The following AFF3 variants were observed in gnomAD, a reference collection of about 807,000 sequenced individuals.
AFF3 encodes the protein AF4/FMR2 family member 3.
A neutral mutation model predicts 129.7 loss-of-function variants in AFF3; 32 were observed. That is an observed-to-expected ratio of 0.25 (90% CI 0.19 to 0.33). The LOEUF (loss-of-function observed/expected upper bound fraction) is 0.33, where lower values mean the gene tolerates loss of function less well. Ranked by LOEUF, AFF3 falls within the 10% of genes least tolerant of loss-of-function variation. AFF3 has a pLI of 1.00. For missense variants in AFF3, 1,373 were observed against 1,592.0 expected (o/e 0.86, Z 2.34); for synonymous variants, 644 against 635.4 (o/e 1.01, Z -0.20).
chr2:100,016,010 GTGT>G (rs1682996621), intron 4 of AFF3, among the ~76,000 whole-genome samples: 1 of 148,864 alleles, frequency 6.7e-6, no homozygotes, highest in Non-Finnish European at 1.5e-5. Flanking sequence ...GGCAGTGAAG[GTGT>G]TGTGGTAGTG....
chr2:100,134,033 T>C (rs1394355235), intron 1 of AFF3, among the ~76,000 whole-genome samples: 1 of 152,232 alleles, frequency 6.6e-6, no homozygotes, highest in Admixed American at 6.5e-5. Context: ...GCATAGTATT[T>C]CACTGGACTA....
chr2:100,036,004 T>G (rs1684861268), intron 4 of AFF3, among the ~76,000 whole-genome samples: 1 of 151,948 alleles, frequency 6.6e-6, no homozygotes. Flanking sequence ...AAGCCCAGAT[T>G]TCTCCTCTGT....
chr2:99,939,706 A>C (rs982051319), intron 7 of AFF3, among the ~76,000 whole-genome samples: 2 of 152,224 alleles, frequency 1.3e-5, no homozygotes, highest in Non-Finnish European at 2.9e-5. Flanking sequence ...GCGATTTCCA[A>C]AACGAAGCTT....
intron 4 of AFF3, among the ~76,000 whole-genome samples, chr2:100,068,655 T>G (rs139196766): frequency 1.3e-5 from 2 of 152,224 alleles, no homozygotes; most frequent in African/African-American, 4.8e-5. Context: ...TTGCTAATAA[T>G]TAGGACTGCC....
chr2:99,739,507 A>T (rs1464629531), intron 10 of AFF3, among the ~76,000 whole-genome samples: 1 of 152,180 alleles, frequency 6.6e-6, no homozygotes, highest in East Asian at 1.9e-4. Flanking sequence ...CATAATTTTT[A>T]AAAATGTAGA....
intron 14 of AFF3, among the ~76,000 whole-genome samples, chr2:99,597,252 T>A (rs190291315): frequency 2.6e-5 from 4 of 152,336 alleles, no homozygotes; most frequent in Admixed American, 6.5e-5. Flanking sequence ...GGGGACCGCA[T>A]TCCTTTGAGA....
At chr2:100,118,816 T>G (rs188793327) in intron 2 of AFF3, among the ~76,000 whole-genome samples, 1 of 136,834 alleles carries the variant, frequency 7.3e-6, no homozygotes, top group Non-Finnish European at 1.6e-5. Context: ...AATTCTGACT[T>G]TTTTTTTTTT....
chr2:99,789,531 A>G (rs7565155), intron 8 of AFF3, among the ~76,000 whole-genome samples: 131,359 of 150,952 alleles, frequency 0.87, 57,196 homozygotes, highest in South Asian at 0.92. Context: ...GAAATCATGA[A>G]AATGGAACCA....
At chr2:99,626,259 G>C (rs1012986649) in intron 13 of AFF3, among the ~76,000 whole-genome samples, 1 of 152,152 alleles carries the variant, frequency 6.6e-6, no homozygotes, top group Non-Finnish European at 1.5e-5. Context: ...GTTGTTGCCA[G>C]TTTTATTTTT....
intron 7 of AFF3, among the ~76,000 whole-genome samples, chr2:99,990,179 T>C (rs1213186922): frequency 1.3e-5 from 2 of 152,180 alleles, no homozygotes; most frequent in Non-Finnish European, 2.9e-5. Flanking sequence ...CACTCACAAC[T>C]GAGTTCGAGG....
intron 7 of AFF3, among the ~76,000 whole-genome samples, chr2:99,941,347 G>C (rs1265296709): frequency 1.3e-5 from 2 of 152,186 alleles, no homozygotes; most frequent in Admixed American, 6.5e-5. Context: ...AAGAAAAATT[G>C]AACAGCCTCG....
intron 8 of AFF3, among the ~76,000 whole-genome samples, chr2:99,823,378 A>G (rs1203383168): frequency 6.6e-6 from 1 of 152,104 alleles, no homozygotes; most frequent in Non-Finnish European, 1.5e-5. Context: ...ACAATGATTC[A>G]GAAAGTATTA....
intron 15 of AFF3, 67 bp downstream of exon 15, chr2:99,593,128 T>C: frequency 2.0e-6 from 3 of 1,500,248 alleles, no homozygotes; most frequent in Non-Finnish European, 2.7e-6. Context: ...TCTATCCAAG[T>C]ACCCACAAGT....
intron 13 of AFF3, among the ~76,000 whole-genome samples, chr2:99,623,772 T>A (rs1017359718): frequency 6.6e-6 from 1 of 152,174 alleles, no homozygotes; most frequent in East Asian, 1.9e-4. Flanking sequence ...TGACCTGGCA[T>A]GCACCCATGC....
chr2:100,033,271 TA>T (rs571137611), intron 4 of AFF3, among the ~76,000 whole-genome samples: 187 of 152,122 alleles, frequency 1.2e-3, no homozygotes, highest in African/African-American at 4.3e-3. Context: ...ACCTCATTAT[TA>T]AAAAAAATTA....
intron 7 of AFF3, among the ~76,000 whole-genome samples, chr2:99,883,981 T>C (rs574099262): frequency 6.6e-6 from 1 of 152,298 alleles, no homozygotes; most frequent in South Asian, 2.1e-4. Context: ...ATCATGCACA[T>C]TTGTTTAACA....
chr2:99,546,447 T>C lies in AFF3; in HGVS notation c.*5027A>G, dbSNP rs756188024. 21 of 232,872 alleles carry C rather than the reference T, an allele frequency of 9.0e-5. No homozygotes were observed. Among genetic ancestry groups the C allele is most frequent in the Non-Finnish European group, 5.1e-5 (6 of 117,886 alleles). 14.4% of individuals were successfully genotyped at this position (232,872 alleles called of 1,614,324 possible). A position where few individuals can be genotyped will look rare whatever the true frequency, so the allele number is the denominator to read the frequency against. ...TGCCCATCTGCAAACAAACCCTTTC[T>C]GCATTTTTCTCTCTAGACACGAGTG... On this transcript the variant is annotated 3_prime_UTR_variant, in exon 25 of 25. Coordinates refer to ENST00000672756, the MANE Select transcript of AFF3 (RefSeq NM_001386135.1).
chr2:99,930,503 G>C (rs552126175), intron 7 of AFF3, among the ~76,000 whole-genome samples: 1 of 152,140 alleles, frequency 6.6e-6, no homozygotes, highest in African/African-American at 2.4e-5. Context: ...GGCGAGACAG[G>C]CTTCTCTCTC....
chr2:100,118,230 T>A (rs558770056), intron 2 of AFF3, among the ~76,000 whole-genome samples: 2 of 152,338 alleles, frequency 1.3e-5, no homozygotes, highest in African/African-American at 4.8e-5. Context: ...TATATGCACA[T>A]TTATCCAAAT....
Sources: gnomAD v4.1 joint callset for allele counts (sites outside exome capture counted in the v4.1 genomes callset) on GRCh38, gnomAD v4.1.1 for gene constraint, MANE v1.5 for transcripts, NCBI Gene and HGNC (gene_info 2026-07-23, HGNC 2026-07-21) for gene names.